CACHD1: variants seen among roughly 807,000 people sequenced by gnomAD.
The protein encoded by CACHD1 is VWFA and cache domain-containing protein 1.
In CACHD1, 71 loss-of-function variants were observed where a neutral mutation model predicts 138.7. The ratio of observed to expected loss-of-function variants is 0.51; its 90% confidence interval spans 0.42 to 0.62. The LOEUF is 0.62. Ranked by LOEUF, CACHD1 falls within the 20% of genes least tolerant of loss-of-function variation. The pLI is 0.00. For synonymous variants in CACHD1, 578 were observed against 591.5 expected (o/e 0.98, Z 0.33); for missense variants, 1,389 against 1,625.3 (o/e 0.85, Z 2.50).
intron 1 of CACHD1, among the ~76,000 whole-genome samples, chr1:64,475,918 G>C (rs1421205925): frequency 6.6e-6 from 1 of 152,166 alleles, no homozygotes; most frequent in Non-Finnish European, 1.5e-5. Context: ...TATGATACAG[G>C]TGGTTAGCGA....
intron 3 of CACHD1, 79 bp from the exon 4 acceptor site, chr1:64,602,727 A>G: frequency 2.3e-6 from 2 of 883,474 alleles, no homozygotes; most frequent in Non-Finnish European, 3.8e-6. Context: ...CCTATCTTGT[A>G]CACAATGTAA....
At chr1:64,515,055 C>T (rs2100358843) in intron 1 of CACHD1, among the ~76,000 whole-genome samples, 1 of 152,202 alleles carries the variant, frequency 6.6e-6, no homozygotes, top group Non-Finnish European at 1.5e-5. Context: ...GGTCATACTG[C>T]ATACAGTATT....
intron 6 of CACHD1, among the ~76,000 whole-genome samples, chr1:64,633,065 A>T (rs1297189267): frequency 6.6e-6 from 1 of 152,220 alleles, no homozygotes; most frequent in Admixed American, 6.5e-5. Flanking sequence ...ATACTATATC[A>T]GCGGTTCTCC....
At chr1:64,619,615 G>C (rs1647835708) in intron 4 of CACHD1, among the ~76,000 whole-genome samples, 1 of 152,118 alleles carries the variant, frequency 6.6e-6, no homozygotes, top group Admixed American at 6.6e-5. Flanking sequence ...GTAGGCACTG[G>C]AGGTCGGATC....
chr1:64,558,956 C>A (rs1231725689), intron 2 of CACHD1, among the ~76,000 whole-genome samples: 1 of 152,174 alleles, frequency 6.6e-6, no homozygotes, highest in Non-Finnish European at 1.5e-5. Context: ...TACCATCTCA[C>A]ACCAGTCAGA....
chr1:64,638,654 T>C (rs1441311289), intron 7 of CACHD1, among the ~76,000 whole-genome samples: 1 of 152,166 alleles, frequency 6.6e-6, no homozygotes, highest in Non-Finnish European at 1.5e-5. Context: ...TATGAGTCGC[T>C]CTTCCCCTTT....
chr1:64,636,711 G>C (rs1648537101), intron 7 of CACHD1, among the ~76,000 whole-genome samples: 1 of 152,130 alleles, frequency 6.6e-6, no homozygotes, highest in Non-Finnish European at 1.5e-5. Flanking sequence ...CATCTGATTA[G>C]ATCAGCCCCA....
intron 1 of CACHD1, among the ~76,000 whole-genome samples, chr1:64,477,846 G>A (rs926507552): frequency 3.3e-5 from 5 of 150,562 alleles, no homozygotes; most frequent in Non-Finnish European, 7.4e-5. Context: ...TTGTTAGCCA[G>A]GATGGTCTCG....
chr1:64,691,712 G>A lies in CACHD1; in HGVS notation c.*151G>A, dbSNP rs1650565476. ...TGAGTCATTTCCTGCCTGTCGACAT[G>A]GTTAAAAACGAGAGAAACAACAACA... is the stretch of plus-strand genomic sequence containing the variant. On this transcript the variant is annotated 3_prime_UTR_variant, in exon 27 of 27. Transcript: ENST00000651257. The A allele has an allele frequency of 6.2e-6, 4 of 647,136 alleles. No individual in the cohort carries two copies. The East Asian group carries it at 8.2e-5, about 13-fold the overall frequency. 40.1% of individuals were successfully genotyped at this position (647,136 alleles called of 1,614,324 possible).
chr1:64,557,162 AT>A (rs1288263831), intron 2 of CACHD1, among the ~76,000 whole-genome samples: 1 of 151,836 alleles, frequency 6.6e-6, no homozygotes, highest in Non-Finnish European at 1.5e-5. Flanking sequence ...GCTTAAGGGT[AT>A]TATATAAAGT....
intron 1 of CACHD1, among the ~76,000 whole-genome samples, chr1:64,490,408 C>T (rs1281506362): frequency 6.6e-6 from 1 of 152,150 alleles, no homozygotes; most frequent in Non-Finnish European, 1.5e-5. Flanking sequence ...CATACTTCTT[C>T]CTGTTTGACC....
At chr1:64,599,382 A>G (rs1339527005) in intron 3 of CACHD1, among the ~76,000 whole-genome samples, 1 of 152,206 alleles carries the variant, frequency 6.6e-6, no homozygotes, top group Admixed American at 6.5e-5. Flanking sequence ...GTCAGCTTGG[A>G]GGAGGAAGGA....
At chr1:64,527,879 T>G (rs1310712687) in intron 1 of CACHD1, among the ~76,000 whole-genome samples, 2 of 152,192 alleles carry the variant, frequency 1.3e-5, no homozygotes, top group Non-Finnish European at 2.9e-5. Context: ...GGTCCAACAG[T>G]GAGTATGTTT....
At chr1:64,498,995 C>T (rs1036812094) in intron 1 of CACHD1, among the ~76,000 whole-genome samples, 1 of 152,148 alleles carries the variant, frequency 6.6e-6, no homozygotes, top group Non-Finnish European at 1.5e-5. Context: ...GAACTGATTT[C>T]CCAGTTAGTT....
intron 4 of CACHD1, 124 bp from the exon 5 acceptor site, chr1:64,629,231 A>T (rs1325450225): frequency 9.6e-7 from 1 of 1,046,470 alleles, no homozygotes; most frequent in Non-Finnish European, 1.4e-6. Flanking sequence ...GAAAATTTAC[A>T]ATCTTGTATC....
intron 3 of CACHD1, among the ~76,000 whole-genome samples, chr1:64,596,280 A>C (rs1391655124): frequency 1.3e-5 from 2 of 152,338 alleles, no homozygotes; most frequent in Middle Eastern, 3.4e-3. Context: ...ATGGGTGGTT[A>C]AGTGGACGAT....
At chr1:64,548,402 C>T (rs1646733677) in intron 1 of CACHD1, among the ~76,000 whole-genome samples, 1 of 152,188 alleles carries the variant, frequency 6.6e-6, no homozygotes, top group Admixed American at 6.5e-5. Context: ...TACAAATGTA[C>T]TGTTGGCACT....
chr1:64,537,823 T>C (rs1169733039), intron 1 of CACHD1, among the ~76,000 whole-genome samples: 1 of 152,202 alleles, frequency 6.6e-6, no homozygotes, highest in East Asian at 1.9e-4. Context: ...GTAGCTATTA[T>C]CACCTACATT....
chr1:64,484,027 A>G (rs959552873), intron 1 of CACHD1, among the ~76,000 whole-genome samples: 1 of 151,876 alleles, frequency 6.6e-6, no homozygotes, highest in Non-Finnish European at 1.5e-5. Context: ...ATTGTTTCCT[A>G]CCCTGTTTCT....
Sources: allele counts gnomAD v4.1 joint callset (sites outside exome capture counted in the v4.1 genomes callset), GRCh38; gene constraint gnomAD v4.1.1; transcripts MANE v1.5; gene names NCBI Gene and HGNC (gene_info 2026-07-23, HGNC 2026-07-21).